The following ASAP1 variants were observed in gnomAD, a reference collection of about 807,000 sequenced individuals.
ASAP1 encodes arf-GAP with SH3 domain, ANK repeat and PH domain-containing protein 1.
Under a neutral mutation model 145.2 loss-of-function variants are expected in ASAP1, and 43 were observed. That is an observed-to-expected ratio of 0.30 (90% CI 0.23 to 0.38). ASAP1 has a LOEUF of 0.38. Among genes scored for constraint, ASAP1 ranks in the 10% least tolerant of loss-of-function variants. The pLI, the probability that ASAP1 is intolerant of heterozygous loss-of-function variation, is 1.00. For synonymous variants in ASAP1, 546 were observed against 515.5 expected (o/e 1.06, Z -0.80); for missense variants, 1,018 against 1,355.3 (o/e 0.75, Z 3.91).
At chr8:130,156,485 C>T (rs2097658407) in intron 12 of ASAP1, among the ~76,000 whole-genome samples, 1 of 152,226 alleles carries the variant, frequency 6.6e-6, no homozygotes. Context: ...TTACCTCCAG[C>T]ATCTAGCAGG....
chr8:130,360,345 G>A (rs999867703), intron 2 of ASAP1, among the ~76,000 whole-genome samples: 1 of 152,182 alleles, frequency 6.6e-6, no homozygotes, highest in Non-Finnish European at 1.5e-5. Context: ...TGCCTCACAT[G>A]AAAGCAAAAG....
At chr8:130,288,789 G>A (rs959001246) in intron 3 of ASAP1, among the ~76,000 whole-genome samples, 3 of 152,190 alleles carry the variant, frequency 2.0e-5, no homozygotes, top group Non-Finnish European at 2.9e-5. Flanking sequence ...ACTTATAGAA[G>A]GAAAGAAGGG....
intron 3 of ASAP1, among the ~76,000 whole-genome samples, chr8:130,323,153 T>C (rs1233280119): frequency 6.6e-6 from 1 of 152,220 alleles, no homozygotes; most frequent in East Asian, 1.9e-4. Flanking sequence ...GTTGATGGCA[T>C]GGTAGTATTA....
intron 4 of ASAP1, among the ~76,000 whole-genome samples, chr8:130,229,488 T>G (rs1226623376): frequency 1.3e-5 from 2 of 152,236 alleles, no homozygotes; most frequent in Non-Finnish European, 1.5e-5. Flanking sequence ...TAGAATCTTT[T>G]GACTGTAGTT....
At chr8:130,165,249 T>C (rs2136058533) in intron 11 of ASAP1, among the ~76,000 whole-genome samples, 1 of 152,252 alleles carries the variant, frequency 6.6e-6, no homozygotes, top group Middle Eastern at 3.4e-3. Flanking sequence ...TCTTTATTTT[T>C]CAAGAAAGCT....
chr8:130,340,902 T>C (rs922744461), intron 3 of ASAP1: 1 of 456,112 alleles, frequency 2.2e-6, no homozygotes, highest in Non-Finnish European at 4.4e-6. Flanking sequence ...TTGCGATGAA[T>C]GACAAAATCT....
chr8:130,242,261 T>TAAA (rs571916495), intron 3 of ASAP1, among the ~76,000 whole-genome samples: 1,254 of 85,228 alleles, frequency 0.015, 33 homozygotes, highest in African/African-American at 0.052. Flanking sequence ...GTGATTTCCT[T>TAAA]AAAAAAAAAA....
chr8:130,166,171 T>C (rs947601156), intron 11 of ASAP1, among the ~76,000 whole-genome samples: 5 of 152,128 alleles, frequency 3.3e-5, no homozygotes, highest in Non-Finnish European at 7.4e-5. Flanking sequence ...CATGCGTGGC[T>C]AATTTTTCAA....
At chr8:130,301,619 A>G (rs1822671764) in intron 3 of ASAP1, among the ~76,000 whole-genome samples, 1 of 152,226 alleles carries the variant, frequency 6.6e-6, no homozygotes, top group Non-Finnish European at 1.5e-5. Flanking sequence ...CACTACCCAA[A>G]AAACCCCAAT....
chr8:130,341,033 C>T (rs1018552088), intron 3 of ASAP1: 2 of 400,666 alleles, frequency 5.0e-6, no homozygotes, highest in East Asian at 7.1e-5. Flanking sequence ...GTTTTTTAAC[C>T]GACATTAAAT....
intron 3 of ASAP1, among the ~76,000 whole-genome samples, chr8:130,248,709 G>A (rs1819008572): frequency 6.6e-6 from 1 of 152,148 alleles, no homozygotes; most frequent in Non-Finnish European, 1.5e-5. Flanking sequence ...ACACTTATCT[G>A]AAGTATTTCT....
At chr8:130,391,682 G>A (rs549504055) in intron 2 of ASAP1, among the ~76,000 whole-genome samples, 7 of 152,314 alleles carry the variant, frequency 4.6e-5, no homozygotes, top group South Asian at 2.1e-4. Context: ...CATGGTTCCC[G>A]CCTTCAAGGC....
chr8:130,403,457 A>C (rs1828886111), intron 1 of ASAP1, among the ~76,000 whole-genome samples: 1 of 152,132 alleles, frequency 6.6e-6, no homozygotes, highest in African/African-American at 2.4e-5. Flanking sequence ...TAAAAATCCA[A>C]ATCACTGAAC....
intron 9 of ASAP1, among the ~76,000 whole-genome samples, chr8:130,171,573 CAT>C (rs1010232627): frequency 6.6e-6 from 1 of 152,164 alleles, no homozygotes; most frequent in Non-Finnish European, 1.5e-5. Flanking sequence ...CTGCCCTTGA[CAT>C]GTGGGGATTA....
chr8:130,333,339 C>T (rs1054042741), intron 3 of ASAP1, among the ~76,000 whole-genome samples: 2 of 152,100 alleles, frequency 1.3e-5, no homozygotes, highest in Non-Finnish European at 2.9e-5. Flanking sequence ...CGGTGGCTCA[C>T]GCCTGTCATC....
chr8:130,107,117 G>A (rs2097538073), intron 24 of ASAP1, among the ~76,000 whole-genome samples: 1 of 151,674 alleles, frequency 6.6e-6, no homozygotes, highest in Non-Finnish European at 1.5e-5. Context: ...CTCAATGTTA[G>A]GATGAGACAA....
intron 9 of ASAP1, among the ~76,000 whole-genome samples, chr8:130,177,014 T>G (rs959766309): frequency 6.6e-6 from 1 of 152,150 alleles, no homozygotes; most frequent in Non-Finnish European, 1.5e-5. Flanking sequence ...TGATGCTCCA[T>G]GGTACCCGTC....
intron 3 of ASAP1, among the ~76,000 whole-genome samples, chr8:130,324,707 G>A (rs765578921): frequency 6.5e-4 from 99 of 152,272 alleles, no homozygotes; most frequent in Admixed American, 1.5e-3. Context: ...CAAGAATAGG[G>A]CTGGGAAATT....
chr8:130,413,707 A>G (rs2138656835), intron 1 of ASAP1, among the ~76,000 whole-genome samples: 1 of 152,326 alleles, frequency 6.6e-6, no homozygotes, highest in South Asian at 2.1e-4. Flanking sequence ...CCCACACAGC[A>G]GCCCACTACC....
Sources: allele counts gnomAD v4.1 joint callset (sites outside exome capture counted in the v4.1 genomes callset), GRCh38; gene constraint gnomAD v4.1.1; transcripts MANE v1.5; gene names NCBI Gene and HGNC (gene_info 2026-07-23, HGNC 2026-07-21).